MSL2: variants seen among roughly 807,000 people sequenced by gnomAD.
MSL2 encodes the protein MSL complex subunit 2.
In MSL2, 2 loss-of-function variants were observed where a neutral mutation model predicts 35.8. The observed-to-expected ratio is 0.06, with a 90% confidence interval of 0.02 to 0.18. The LOEUF is 0.18. Ranked by LOEUF, MSL2 falls within the 10% of genes least tolerant of loss-of-function variation. MSL2 has a pLI of 1.00. For missense variants in MSL2, 523 were observed against 706.7 expected, an observed-to-expected ratio of 0.74 and a Z score of 2.95; for synonymous variants, 296 against 255.7, an observed-to-expected ratio of 1.16 and a Z score of -1.50.
At chr3:136,181,284 T>A (rs978051823) in intron 1 of MSL2, among the ~76,000 whole-genome samples, 2 of 152,114 alleles carry the variant, frequency 1.3e-5, no homozygotes, top group African/African-American at 4.8e-5. Flanking sequence ...GTTGATCTAT[T>A]GAATGAAGTA....
At position 136,192,506 on chromosome 3, in the gene MSL2, C is replaced by T. The variant is rs114552027; in HGVS notation, c.142+2466G>A. On this transcript the variant is annotated intron_variant, in intron 1 of 1. Transcript: ENST00000309993. Reference sequence around the variant, plus strand: ...GCTGCAGTGAGCAAGGAAGACTTCACCAAGGAGGCAGGGAGTTGAGTTAGG... The same window carrying T: ...GCTGCAGTGAGCAAGGAAGACTTCATCAAGGAGGCAGGGAGTTGAGTTAGG... 3.8e-3 allele frequency among the ~76,000 whole-genome samples: 580 copies of T among 151,480 alleles called. 2 individuals carry two copies. Among genetic ancestry groups the T allele is most frequent in the Non-Finnish European group, 4.8e-3 (329 of 67,932 alleles).
At chr3:136,192,315 A>G (rs1343767633) in intron 1 of MSL2, among the ~76,000 whole-genome samples, 1 of 152,164 alleles carries the variant, frequency 6.6e-6, no homozygotes, top group East Asian at 1.9e-4. Context: ...AGTAACTGGG[A>G]TTACAGGCAC....
rs1559955125 is a variant in MSL2 at position 136,152,109 on chromosome 3, C to T, written c.772G>A (p.Glu258Lys). The T allele has an allele frequency of 6.2e-7, 1 of 1,614,178 alleles. No homozygotes were observed. Residue 258 changes from glutamate to lysine, a missense_variant, in exon 2 of 2, where the codon GAA becomes AAA. Transcript: ENST00000309993. ...AGAGAGTCTCCAGGTTTTATATCTT[C>T]ACTGAAACTGCAGATATCAATGCCT... ...STGIDICSFS[E>K]DIKPGDSLLL...
At chr3:136,177,682 A>T (rs9841321) in intron 1 of MSL2, among the ~76,000 whole-genome samples, 2 of 136,528 alleles carry the variant, frequency 1.5e-5, no homozygotes, top group African/African-American at 5.7e-5. Context: ...CCGTCTCATA[A>T]AAAAAAAAAA....
intron 1 of MSL2, among the ~76,000 whole-genome samples, chr3:136,192,940 A>ACG (rs1559975726): frequency 6.6e-6 from 1 of 152,172 alleles, no homozygotes; most frequent in Non-Finnish European, 1.5e-5. Context: ...TCATAGACTT[A>ACG]CGTCCAAAGA....
intron 1 of MSL2, among the ~76,000 whole-genome samples, chr3:136,186,777 T>C (rs1257054076): frequency 6.6e-6 from 1 of 152,178 alleles, no homozygotes; most frequent in Non-Finnish European, 1.5e-5. Flanking sequence ...GTAATAATAA[T>C]AGAAATAAAG....
intron 1 of MSL2, among the ~76,000 whole-genome samples, chr3:136,166,983 A>T: frequency 6.6e-6 from 1 of 152,186 alleles, no homozygotes; most frequent in East Asian, 1.9e-4. Context: ...CTCCATTCTA[A>T]CTGAAGTATT....
intron 1 of MSL2, among the ~76,000 whole-genome samples, chr3:136,164,157 G>C (rs978534944): frequency 1.3e-5 from 2 of 152,280 alleles, no homozygotes; most frequent in African/African-American, 4.8e-5. Flanking sequence ...ATAAGAGCAA[G>C]AATCAAGTAT....
rs201639045 is a variant in MSL2 at position 136,151,156 on chromosome 3, G to A, written c.1725C>T (p.Phe575=). ...TAAAAGACCCACTGATTTAACAGTC[G>A]AATCTCATGTCTATAGCTTCATCCA... ...KSLDEAIDMR[F]DC is the part of the protein sequence containing the mutation. The change falls in exon 2 of 2, where the codon TTC becomes TTT. Residue 575 remains phenylalanine (F), a synonymous_variant. Coordinates refer to ENST00000309993, the MANE Select transcript of MSL2 (RefSeq NM_018133.4). This position sits in a 1 kb window ranked among gnomAD's most constrained non-coding sequence, Gnocchi z 5.2. 21 of 1,608,774 alleles carry A rather than the reference G, an allele frequency of 1.3e-5. No individual in the cohort carries two copies. The highest frequency in any genetic ancestry group is 1.7e-4 in the Middle Eastern group (1 of 6,050).
At position 136,195,764 on chromosome 3, in the gene MSL2, C is replaced by T. The variant is rs1345024001; in HGVS notation, c.-651G>A. The T allele has an allele frequency of 2.0e-6, 2 of 985,244 alleles. No homozygotes were observed. The highest frequency in any genetic ancestry group is 2.4e-6 in the Non-Finnish European group (2 of 829,884). 61.0% of individuals were successfully genotyped at this position (985,244 alleles called of 1,614,324 possible). On this transcript the variant is annotated 5_prime_UTR_variant, in exon 1 of 2. Transcript: ENST00000309993. ...CAGACTGCGCCCTGGCTCTCCGCCC[C>T]GTGGGTTGCAGCCCGCAGTTCCCCG...
chr3:136,180,783 AGGGAG>A (rs1940323587), intron 1 of MSL2, among the ~76,000 whole-genome samples: 1 of 48,178 alleles, frequency 2.1e-5, no homozygotes, highest in Admixed American at 2.4e-4. Context: ...GGAGGGAGGG[AGGGAG>A]GGAGGGAGGG....
rs1939338734 is a variant in MSL2, at chr3:136,150,830, T to G, written c.*317A>C. On this transcript the variant is annotated 3_prime_UTR_variant, in exon 2 of 2. Transcript: ENST00000309993. ...CTTACATTTAATCATAAACTTTGAT[T>G]ATGCACAAAGCATGGCCATAAACAA... The G allele has an allele frequency of 4.0e-6, 1 of 248,598 alleles. No homozygotes were observed. The highest frequency in any genetic ancestry group is 2.2e-5 in the African/African-American group (1 of 46,068). The allele number at this position is 248,598 out of a possible 1,614,324, so 15.4% of individuals were successfully genotyped here. A position where few individuals can be genotyped will look rare whatever the true frequency, so the allele number is the denominator to read the frequency against.
intron 1 of MSL2, among the ~76,000 whole-genome samples, chr3:136,165,086 G>A (rs779748835): frequency 2.0e-5 from 3 of 151,918 alleles, no homozygotes; most frequent in Non-Finnish European, 2.9e-5. Context: ...TGTTGGCCAG[G>A]CTGGTCTTGA....
At chr3:136,162,615 G>C (rs1304295141) in intron 1 of MSL2, among the ~76,000 whole-genome samples, 1 of 152,110 alleles carries the variant, frequency 6.6e-6, no homozygotes, top group Non-Finnish European at 1.5e-5. Context: ...TTAGGAGGGA[G>C]AGACAGAACA....
chr3:136,174,266 T>C (rs1940107522), intron 1 of MSL2, among the ~76,000 whole-genome samples: 1 of 152,240 alleles, frequency 6.6e-6, no homozygotes. Flanking sequence ...ACTTGTTCTG[T>C]GACCTCATTT....
At chr3:136,183,693 A>C (rs932686074) in intron 1 of MSL2, among the ~76,000 whole-genome samples, 1 of 152,206 alleles carries the variant, frequency 6.6e-6, no homozygotes, top group Admixed American at 6.5e-5. Context: ...ATAAGTTCCA[A>C]AAGGTTTCAT....
intron 1 of MSL2, among the ~76,000 whole-genome samples, chr3:136,164,747 T>C (rs563129943): frequency 1.3e-5 from 2 of 152,336 alleles, no homozygotes; most frequent in South Asian, 4.1e-4. Context: ...GGAGGAAATA[T>C]GTCAGTCACT....
At chr3:136,172,444 G>A (rs1940055171) in intron 1 of MSL2, among the ~76,000 whole-genome samples, 1 of 151,630 alleles carries the variant, frequency 6.6e-6, no homozygotes, top group Non-Finnish European at 1.5e-5. Context: ...CCTTCCTATA[G>A]CAACTCCCCA....
intron 1 of MSL2, among the ~76,000 whole-genome samples, chr3:136,176,188 G>A (rs571986070): frequency 7.2e-5 from 11 of 152,160 alleles, no homozygotes; most frequent in Non-Finnish European, 1.6e-4. Flanking sequence ...TTGTGTGCAG[G>A]CATATTTTAA....
Sources: gnomAD v4.1 joint callset for allele counts (sites outside exome capture counted in the v4.1 genomes callset) on GRCh38, gnomAD v4.1.1 for gene constraint, Gnocchi (gnomAD v3.1) non-coding constraint, MANE v1.5 for transcripts, NCBI Gene and HGNC (gene_info 2026-07-23, HGNC 2026-07-21) for gene names.